The following SMURF1 variants were observed in gnomAD, a reference collection of about 807,000 sequenced individuals.
SMURF1 encodes the protein SMAD specific E3 ubiquitin protein ligase 1, also known as E3 ubiquitin-protein ligase SMURF1.
In SMURF1, 44 loss-of-function variants were observed where a neutral mutation model predicts 98.0. The observed-to-expected ratio is 0.45, with a 90% CI of 0.35 to 0.58. The LOEUF (loss-of-function observed/expected upper bound fraction) is 0.58. SMURF1 is among the 20% of genes least tolerant of loss of function. SMURF1 has a pLI of 0.00. For synonymous variants in SMURF1, 396 were observed against 374.9 expected (o/e 1.06, Z -0.65); for missense variants, 687 against 938.4 (o/e 0.73, Z 3.50).
chr7:99,033,997 C>G (rs1259977286), intron 16 of SMURF1, among the ~76,000 whole-genome samples: 2 of 152,222 alleles, frequency 1.3e-5, no homozygotes, highest in African/African-American at 4.8e-5. Context: ...AGGTCAGTGG[C>G]AGGACAGGAC....
chr7:99,090,831 A>G (rs1272515286), intron 1 of SMURF1, among the ~76,000 whole-genome samples: 1 of 152,224 alleles, frequency 6.6e-6, no homozygotes, highest in Non-Finnish European at 1.5e-5. Flanking sequence ...TGCCCTGCCC[A>G]CAAGGTTATA....
At chr7:99,087,513 G>A (rs974283918) in intron 1 of SMURF1, among the ~76,000 whole-genome samples, 11 of 152,078 alleles carry the variant, frequency 7.2e-5, no homozygotes, top group African/African-American at 1.4e-4. Flanking sequence ...CATGCTCTGC[G>A]GAACAATACA....
chr7:99,116,444 A>G (rs1797456666), intron 1 of SMURF1, among the ~76,000 whole-genome samples: 1 of 152,240 alleles, frequency 6.6e-6, no homozygotes, highest in Middle Eastern at 3.2e-3. Flanking sequence ...GAAAAATGAC[A>G]TAATCTTATA....
At position 99,063,277 on chromosome 7, in the gene SMURF1, A is replaced by AAGATT. The variant is rs1179327687; in HGVS notation, c.56-1441_56-1440insAATCT. On this transcript the variant is annotated intron_variant, in intron 1 of 17. Coordinates refer to ENST00000361368, the MANE Select transcript of SMURF1 (RefSeq NM_181349.3). ...TATATATATATATATATATATATAT[A>AAGATT]TATATATATATATATATATATATAT... 7.4e-4 allele frequency among the ~76,000 whole-genome samples: 15 copies of AAGATT among 20,314 alleles called. 2 individuals are homozygous for AAGATT. Among genetic ancestry groups the AAGATT allele is most frequent in the South Asian group, 1.4e-3 (1 of 704 alleles). The allele number at this position is 20,314 out of a possible 152,430, so 13.3% of individuals were successfully genotyped here. A position where few individuals can be genotyped will look rare whatever the true frequency, so the allele number is the denominator to read the frequency against.
chr7:99,144,038 C>T lies in SMURF1; in HGVS notation c.-258G>A. 1 of 244,054 alleles carries T rather than the reference C, an allele frequency of 4.1e-6. No individual in the cohort carries two copies. The highest frequency in any genetic ancestry group is 7.7e-6 in the Non-Finnish European group (1 of 130,556). The allele number at this position is 244,054 out of a possible 1,614,324, so 15.1% of individuals were successfully genotyped here. A position where few individuals can be genotyped will look rare whatever the true frequency, so the allele number is the denominator to read the frequency against. ...CGAGCCGCCGCCGCCTCCGCCGCCG[C>T]CTCCGCCGCCTCCACCACCTCAGAG... On this transcript the variant is annotated 5_prime_UTR_variant, in exon 1 of 18. Coordinates refer to ENST00000361368, the MANE Select transcript of SMURF1 (RefSeq NM_181349.3).
chr7:99,048,998 G>T (rs559783745), intron 9 of SMURF1: 1 of 152,428 alleles, frequency 6.6e-6, no homozygotes, highest in Admixed American at 6.5e-5. Flanking sequence ...GGCTGAGGCA[G>T]GAGAATCACT....
chr7:99,079,707 T>TG (rs1367476876), intron 1 of SMURF1, among the ~76,000 whole-genome samples: 1 of 152,128 alleles, frequency 6.6e-6, no homozygotes, highest in Admixed American at 6.5e-5. Context: ...TCCACACATC[T>TG]GGAAATTTTT....
rs1352365422 is a variant in SMURF1 at position 99,030,247 on chromosome 7, C to T, written c.*337G>A. The T allele has an allele frequency of 1.2e-5, 3 of 251,482 alleles. No individual in the cohort carries two copies. Among genetic ancestry groups the T allele is most frequent in the Non-Finnish European group, 2.3e-5 (3 of 128,346 alleles). 15.6% of individuals were successfully genotyped at this position (251,482 alleles called of 1,614,324 possible). ...AGTCCCCTAACTGTGAGTTGATGCT[C>T]CCGTAAAGAGCTCAGGGCTGTGAGC... On this transcript the variant is annotated 3_prime_UTR_variant, in exon 18 of 18. Transcript: ENST00000361368.
At chr7:99,121,715 G>T (rs1412522454) in intron 1 of SMURF1, among the ~76,000 whole-genome samples, 1 of 152,166 alleles carries the variant, frequency 6.6e-6, no homozygotes, top group Non-Finnish European at 1.5e-5. Context: ...TTCAAACTCG[G>T]TTTGATAGGC....
intron 1 of SMURF1, among the ~76,000 whole-genome samples, chr7:99,079,043 T>C (rs1796524668): frequency 6.6e-6 from 1 of 152,160 alleles, no homozygotes; most frequent in African/African-American, 2.4e-5. Flanking sequence ...ATCTTCGCTA[T>C]TGACAGATGA....
intron 8 of SMURF1, chr7:99,049,969 C>T (rs1161236528): frequency 1.8e-5 from 6 of 332,072 alleles, no homozygotes; most frequent in African/African-American, 1.3e-4. Flanking sequence ...TCCCAGCACT[C>T]TGGGAGGCAA....
At position 99,029,453 on chromosome 7, in the gene SMURF1, C is replaced by G. The variant is rs1264237918; in HGVS notation, c.*1131G>C. Reference sequence around the variant, plus strand: ...AACCGAGTAGCAATCGTTAGTGTCACCAGCTGCCACTGGGAAAGGGGCCAC... The same window carrying G: ...AACCGAGTAGCAATCGTTAGTGTCAGCAGCTGCCACTGGGAAAGGGGCCAC... On this transcript the variant is annotated 3_prime_UTR_variant, in exon 18 of 18. Coordinates refer to ENST00000361368, the MANE Select transcript of SMURF1 (RefSeq NM_181349.3). 6.6e-6 allele frequency: 1 copy of G among 152,226 alleles called. No individual in the cohort carries two copies. The highest frequency in any genetic ancestry group is 1.5e-5 in the Non-Finnish European group (1 of 68,056). The allele number at this position is 152,226 out of a possible 1,614,324, so 9.4% of individuals were successfully genotyped here. A position where few individuals can be genotyped will look rare whatever the true frequency, so the allele number is the denominator to read the frequency against.
chr7:99,030,902 G>A (rs977489428), intron 17 of SMURF1: 8 of 431,998 alleles, frequency 1.9e-5, no homozygotes, highest in Non-Finnish European at 2.9e-5. Flanking sequence ...GTCTCGCTAG[G>A]TTGCCCAGGC....
intron 1 of SMURF1, among the ~76,000 whole-genome samples, chr7:99,070,925 G>T (rs1796301747): frequency 1.3e-5 from 2 of 152,082 alleles, no homozygotes; most frequent in Non-Finnish European, 1.5e-5. Flanking sequence ...CTGCCTGGAA[G>T]ATCTGATTCT....
In SMURF1 at chr7:99,029,344, G is replaced by A. The variant is rs750343808; in HGVS notation, c.*1240C>T. 1.3e-5 allele frequency: 2 copies of A among 152,456 alleles called. No homozygotes were observed. The highest frequency in any genetic ancestry group is 2.9e-5 in the Non-Finnish European group (2 of 68,040). The allele number at this position is 152,456 out of a possible 1,614,324, so 9.4% of individuals were successfully genotyped here. ...ACTTTAAGATAAAATACTGACTTTTGTGCAAACTGGAAATGGTGTCAGAAA... is the reference window on the plus strand; with the variant it reads ...ACTTTAAGATAAAATACTGACTTTTATGCAAACTGGAAATGGTGTCAGAAA... On this transcript the variant is annotated 3_prime_UTR_variant, in exon 18 of 18. Coordinates refer to ENST00000361368, the MANE Select transcript of SMURF1 (RefSeq NM_181349.3).
chr7:99,144,022 G>A lies in SMURF1; in HGVS notation c.-242C>T. On this transcript the variant is annotated 5_prime_UTR_variant, in exon 1 of 18. Coordinates refer to ENST00000361368, the MANE Select transcript of SMURF1 (RefSeq NM_181349.3). ...CAGCCGAGCCCAGTCCCGAGCCGCCGCCGCCTCCGCCGCCGCCTCCGCCGC... is the reference window on the plus strand; with the variant it reads ...CAGCCGAGCCCAGTCCCGAGCCGCCACCGCCTCCGCCGCCGCCTCCGCCGC... 4 of 157,326 alleles carry A rather than the reference G, an allele frequency of 2.5e-5. No individual in the cohort carries two copies. Among genetic ancestry groups the A allele is most frequent in the Non-Finnish European group, 4.9e-5 (4 of 82,224 alleles). 9.7% of individuals were successfully genotyped at this position (157,326 alleles called of 1,614,324 possible). A position where few individuals can be genotyped will look rare whatever the true frequency, so the allele number is the denominator to read the frequency against.
chr7:99,063,412 C>A (rs1340639743), intron 1 of SMURF1, among the ~76,000 whole-genome samples: 1 of 148,616 alleles, frequency 6.7e-6, no homozygotes, highest in Non-Finnish European at 1.5e-5. Context: ...CCAGCCTCAG[C>A]CTCTCGAGTT....
rs746285789 is a variant in SMURF1, at chr7:99,042,178, G to T, written c.1311C>A (p.Phe437Leu). ...HEMLNPYYGLFQYSTDNIYML... is the reference protein window; with the variant it reads ...HEMLNPYYGLLQYSTDNIYML... ...TGTAAATATTGTCCGTAGAATACTGGAAGAGCCCGTAATAAGGATTCAGCA... is the reference window on the plus strand; with the variant it reads ...TGTAAATATTGTCCGTAGAATACTGTAAGAGCCCGTAATAAGGATTCAGCA... Residue 437 changes from phenylalanine (F) to leucine (L), a missense_variant, in exon 12 of 18, where the codon TTC (phenylalanine) becomes TTA (leucine). Physicochemically the swap from Phe to Leu is conservative, Grantham distance 22. Transcript: ENST00000361368. 2 of 1,614,084 alleles carry T rather than the reference G, an allele frequency of 1.2e-6. No homozygotes were observed.
rs569922162 is a variant in SMURF1 at position 99,061,613 on chromosome 7, G to A, written c.94+186C>T. ...TTTTGCGGTATGATTTATAAGTTCT[G>A]TATATTTCAGCTAAGGAACTACCCA... On this transcript the variant is annotated intron_variant, in intron 2 of 17. Transcript: ENST00000361368. Among the ~76,000 whole-genome samples, 5 of 152,294 alleles carry A rather than the reference G, an allele frequency of 3.3e-5. No individual in the cohort carries two copies. In the East Asian group the frequency reaches 5.8e-4, roughly 18 times the overall value.
Sources: gnomAD v4.1 joint callset for allele counts (sites outside exome capture counted in the v4.1 genomes callset) on GRCh38, gnomAD v4.1.1 for gene constraint, MANE v1.5 for transcripts, NCBI Gene and HGNC (gene_info 2026-07-23, HGNC 2026-07-21) for gene names.